Variants in CSMD1 observed in about 807,000 individuals in gnomAD.
The protein encoded by CSMD1 is CUB and sushi domain-containing protein 1.
A neutral mutation model predicts 417.5 loss-of-function variants in CSMD1; 213 were observed. The ratio of observed to expected loss-of-function variants is 0.51; its 90% confidence interval spans 0.46 to 0.57. The LOEUF is 0.57. Among genes scored for constraint, CSMD1 ranks in the 20% least tolerant of loss-of-function variants. CSMD1 has a pLI of 0.00. For synonymous variants in CSMD1, 2,862 were observed against 1,736.8 expected (o/e 1.65, Z -16.11); for missense variants, 6,923 against 4,529.7 (o/e 1.53, Z -15.17).
At chr8:2,949,173 A>T in intron 68 of CSMD1, 126 bp downstream of exon 68, 1 of 599,300 alleles carries the variant, frequency 1.7e-6, no homozygotes, top group Non-Finnish European at 2.9e-6. Context: ...GCTGTAAAAT[A>T]TGTTAGTCTC....
At chr8:4,638,878 G>C (rs564402487) in intron 1 of CSMD1, among the ~76,000 whole-genome samples, 1 of 152,176 alleles carries the variant, frequency 6.6e-6, no homozygotes, top group African/African-American at 2.4e-5. Context: ...TGCCTCTGAA[G>C]ATTTTGTGTT....
At position 4,639,539 on chromosome 8, in the gene CSMD1, C is replaced by T. The variant is rs1803068216; in HGVS notation, c.86-1981G>A. ...CTATGTTTCTTACCTTCTTAATATG[C>T]CCATTTCCCACTAATGTGCTTTAAA... On this transcript the variant is annotated intron_variant, in intron 1 of 69. Transcript: ENST00000635120. Among the ~76,000 whole-genome samples the T allele has an allele frequency of 3.3e-5, 5 of 152,210 alleles. No homozygotes were observed. In the South Asian group the frequency reaches 1.0e-3, roughly 32 times the overall value.
At chr8:4,426,401 T>G (rs562963409) in intron 2 of CSMD1, among the ~76,000 whole-genome samples, 31 of 149,272 alleles carry the variant, frequency 2.1e-4, no homozygotes, top group African/African-American at 7.3e-4. Context: ...TAAACCTTTT[T>G]ATATACTATA....
chr8:3,226,283 T>G (rs1194464440), intron 27 of CSMD1, among the ~76,000 whole-genome samples: 1 of 152,030 alleles, frequency 6.6e-6, no homozygotes, highest in East Asian at 1.9e-4. Flanking sequence ...GACACTTTAC[T>G]CGGAATAAGG....
intron 36 of CSMD1, chr8:3,182,844 GTGTGTGTGTGTGTGTGTGTGTGTGT>G (rs1821467937): frequency 3.0e-5 from 2 of 66,448 alleles, no homozygotes; most frequent in African/African-American, 1.3e-4. Context: ...ATAAGAAGGT[GTGTGTGTGTGTGTGTGTGTGTGTGT>G]GTGTGTGTGT....
At chr8:3,885,764 G>C (rs1371297272) in intron 5 of CSMD1, among the ~76,000 whole-genome samples, 1 of 152,110 alleles carries the variant, frequency 6.6e-6, no homozygotes, top group Non-Finnish European at 1.5e-5. Flanking sequence ...ACAAACTGGA[G>C]TCAAGTTTAT....
intron 5 of CSMD1, among the ~76,000 whole-genome samples, chr8:3,843,473 C>T (rs1563137058): frequency 6.6e-6 from 1 of 152,088 alleles, no homozygotes; most frequent in East Asian, 1.9e-4. Context: ...TGACAAATTA[C>T]ACTCGGACTT....
intron 12 of CSMD1, among the ~76,000 whole-genome samples, chr8:3,433,959 C>G (rs1187259452): frequency 6.6e-6 from 1 of 152,176 alleles, no homozygotes; most frequent in African/African-American, 2.4e-5. Context: ...GGCAAGACTC[C>G]CCTCTGGAAG....
chr8:4,764,885 A>AAAAAAAAAAAAAACAAAACAAAAC (rs1812348603), intron 1 of CSMD1, among the ~76,000 whole-genome samples: 4 of 74,802 alleles, frequency 5.3e-5, no homozygotes, highest in Admixed American at 1.7e-4. Flanking sequence ...AAAAAAAAAA[A>AAAAAAAAAAAAAACAAAACAAAAC]AAAAAAAAAC....
intron 3 of CSMD1, among the ~76,000 whole-genome samples, chr8:4,158,811 T>C (rs1190974704): frequency 1.3e-5 from 2 of 152,202 alleles, no homozygotes; most frequent in South Asian, 2.1e-4. Flanking sequence ...GTTTATCATA[T>C]GGGATGATGT....
intron 7 of CSMD1, among the ~76,000 whole-genome samples, chr8:3,638,425 C>A (rs1585000827): frequency 6.6e-6 from 1 of 151,930 alleles, no homozygotes; most frequent in East Asian, 1.9e-4. Context: ...GTTTTGCCCA[C>A]CGCAACTGCA....
intron 5 of CSMD1, among the ~76,000 whole-genome samples, chr8:3,815,014 G>C (rs536019073): frequency 2.3e-4 from 35 of 152,258 alleles, no homozygotes; most frequent in African/African-American, 7.7e-4. Context: ...GTTACATAGA[G>C]ACTAAACTAA....
At chr8:4,707,360 G>A (rs1007491419) in intron 1 of CSMD1, among the ~76,000 whole-genome samples, 3 of 152,132 alleles carry the variant, frequency 2.0e-5, no homozygotes, top group Non-Finnish European at 4.4e-5. Flanking sequence ...ATTATTCAAA[G>A]AAAATCTAGA....
intron 6 of CSMD1, among the ~76,000 whole-genome samples, chr8:3,741,150 G>T (rs7005524): frequency 6.7e-6 from 1 of 149,030 alleles, no homozygotes; most frequent in Non-Finnish European, 1.5e-5. Flanking sequence ...GGAGGTGGAG[G>T]TTGCAGTGAG....
chr8:3,805,531 T>A (rs1383324789), intron 5 of CSMD1, among the ~76,000 whole-genome samples: 3 of 152,174 alleles, frequency 2.0e-5, no homozygotes. Flanking sequence ...AACACTTTCA[T>A]CTGCAGTGGA....
chr8:3,307,277 A>G (rs1804946145), intron 25 of CSMD1, among the ~76,000 whole-genome samples: 1 of 151,884 alleles, frequency 6.6e-6, no homozygotes, highest in Admixed American at 6.6e-5. Flanking sequence ...CAGGAACAGA[A>G]GCCTGGTGTG....
intron 5 of CSMD1, among the ~76,000 whole-genome samples, chr8:3,799,510 T>C (rs920573320): frequency 6.7e-6 from 1 of 149,868 alleles, no homozygotes; most frequent in African/African-American, 2.5e-5. Context: ...AAGTAAAGCA[T>C]ACATGTAACA....
intron 1 of CSMD1, among the ~76,000 whole-genome samples, chr8:4,984,816 G>C (rs1052745170): frequency 3.9e-5 from 6 of 152,280 alleles, no homozygotes; most frequent in Admixed American, 2.0e-4. Context: ...GTGTCCTTGG[G>C]CTGACCTGTT....
chr8:3,918,384 T>G (rs1808978113), intron 5 of CSMD1, among the ~76,000 whole-genome samples: 1 of 152,118 alleles, frequency 6.6e-6, no homozygotes, highest in African/African-American at 2.4e-5. Flanking sequence ...ATAATGGCCA[T>G]CTTAACAAAT....
Sources: gnomAD v4.1 joint callset for allele counts (sites outside exome capture counted in the v4.1 genomes callset) on GRCh38, gnomAD v4.1.1 for gene constraint, MANE v1.5 for transcripts, NCBI Gene and HGNC (gene_info 2026-07-23, HGNC 2026-07-21) for gene names.